Variants in SPC24 observed in about 807,000 individuals in gnomAD.
SPC24 encodes SPC24 component of NDC80 kinetochore complex.
A neutral mutation model predicts 27.6 loss-of-function variants in SPC24; 31 were observed. The observed-to-expected ratio is 1.12, with a 90% CI of 0.84 to 1.52. The LOEUF (loss-of-function observed/expected upper bound fraction) is 1.52. Among genes scored for constraint, SPC24 ranks in the 40% most tolerant of loss-of-function variants. The pLI is 0.00. For missense variants in SPC24, 284 were observed against 252.5 expected, an observed-to-expected ratio of 1.12 and a Z score of -0.84; for synonymous variants, 105 against 105.8, an observed-to-expected ratio of 0.99 and a Z score of 0.05.
chr19:11,149,853 T>G (rs112627388), intron 1 of SPC24, among the ~76,000 whole-genome samples: 27,279 of 150,280 alleles, frequency 0.18, 3,701 homozygotes, highest in African/African-American at 0.38. Flanking sequence ...TGGGATTACA[T>G]GCGCCTGCCA....
intron 1 of SPC24, among the ~76,000 whole-genome samples, chr19:11,153,759 G>GC (rs1330008208): frequency 1.9e-5 from 1 of 52,844 alleles, no homozygotes; most frequent in Non-Finnish European, 3.8e-5. Flanking sequence ...GACTGTCCTG[G>GC]GAAAAAAAAA....
At chr19:11,154,444 T>G (rs2077896255) in intron 1 of SPC24, among the ~76,000 whole-genome samples, 1 of 151,634 alleles carries the variant, frequency 6.6e-6, no homozygotes, top group Non-Finnish European at 1.5e-5. Flanking sequence ...GAGGCTGAGG[T>G]GGGAGGATCA....
rs1340037850 is a variant in SPC24 at position 11,155,749 on chromosome 19, C to A, written c.28G>T (p.Val10Leu). ...AGCAGGCTGAGCAGCCCCTGGCTCA[C>A]CTCCTCTATGTCGCGGAAGGCGGCC... MAAFRDIEE[V>L]SQGLLSLLGA... The change falls in exon 1 of 5, where the codon GTG (valine) becomes TTG (leucine). Residue 10 changes from valine to leucine, a missense_variant. By Grantham distance (32) the Val-to-Leu change is conservative (BLOSUM62 1). Coordinates refer to ENST00000592540, the MANE Select transcript of SPC24 (RefSeq NM_182513.4). 3.8e-6 allele frequency: 6 copies of A among 1,574,630 alleles called. No individual in the cohort carries two copies. The highest frequency in any genetic ancestry group is 5.1e-6 in the Non-Finnish European group (6 of 1,168,490).
intron 2 of SPC24, among the ~76,000 whole-genome samples, chr19:11,148,774 C>T (rs111733724): frequency 0.024 from 3,632 of 152,038 alleles, 127 homozygotes; most frequent in African/African-American, 0.077. Flanking sequence ...GGACCACGCC[C>T]GGCTAATTTT....
At position 11,146,643 on chromosome 19, in the gene SPC24, T is replaced by TACCTG. The variant is rs2077826766; in HGVS notation, c.*539_*540insCAGGT. The TACCTG allele has an allele frequency of 1.3e-5, 2 of 151,236 alleles. No individual in the cohort carries two copies. The highest frequency in any genetic ancestry group is 4.2e-4 in the South Asian group (2 of 4,786). 9.4% of individuals were successfully genotyped at this position (151,236 alleles called of 1,614,324 possible). ...AGCTGCGCATGGTGGCAGGTGCCTGTAGTCCCAGCTACTCAGGAGGCTGAG... is the reference window on the plus strand; with the variant it reads ...AGCTGCGCATGGTGGCAGGTGCCTGTACCTGAGTCCCAGCTACTCAGGAGGCTGAG... On this transcript the variant is annotated 3_prime_UTR_variant, in exon 5 of 5. Coordinates refer to ENST00000592540, the MANE Select transcript of SPC24 (RefSeq NM_182513.4).
At position 11,146,438 on chromosome 19, in the gene SPC24, C is replaced by A. The variant is rs1374887276; in HGVS notation, c.*745G>T. 1 of 105,820 alleles carries A rather than the reference C, an allele frequency of 9.5e-6. No individual in the cohort carries two copies. Among genetic ancestry groups the A allele is most frequent in the African/African-American group, 3.3e-5 (1 of 30,356 alleles). The allele number at this position is 105,820 out of a possible 1,614,324, so 6.6% of individuals were successfully genotyped here. A position where few individuals can be genotyped will look rare whatever the true frequency, so the allele number is the denominator to read the frequency against. ...CTGAGGCCACTCTAGGAGCTGAGGCCGAAAATCAGGAGAAAAAGAAATCCA... is the reference window on the plus strand; with the variant it reads ...CTGAGGCCACTCTAGGAGCTGAGGCAGAAAATCAGGAGAAAAAGAAATCCA... On this transcript the variant is annotated 3_prime_UTR_variant, in exon 5 of 5. Coordinates refer to ENST00000592540, the MANE Select transcript of SPC24 (RefSeq NM_182513.4).
In SPC24 at chr19:11,145,649, A is replaced by G. The variant is rs907113408; in HGVS notation, c.*1534T>C. 2 of 152,198 alleles carry G rather than the reference A, an allele frequency of 1.3e-5. No individual in the cohort carries two copies. Among genetic ancestry groups the G allele is most frequent in the Admixed American group, 6.6e-5 (1 of 15,248 alleles). The allele number at this position is 152,198 out of a possible 1,614,324, so 9.4% of individuals were successfully genotyped here. A position where few individuals can be genotyped will look rare whatever the true frequency, so the allele number is the denominator to read the frequency against. On this transcript the variant is annotated 3_prime_UTR_variant, in exon 5 of 5. Transcript: ENST00000592540. ...TATCTGGCTCTGCCATCATCAGGGA[A>G]CCAGGCTCCTGTCATCCCTAAAGGA...
chr19:11,147,609 T>C (rs2077836674), intron 4 of SPC24: 1 of 590,566 alleles, frequency 1.7e-6, no homozygotes, highest in African/African-American at 1.9e-5. Context: ...TACTTTACTA[T>C]ATTTATTATA....
rs750052220 is a variant in SPC24 at position 11,146,465 on chromosome 19, T to TTAAAAAA, written c.*717_*718insTTTTTTA. On this transcript the variant is annotated 3_prime_UTR_variant, in exon 5 of 5. Transcript: ENST00000592540. ...AAAATCAGGAGAAAAAGAAATCCAGTAAAAAAAAAAAAAAAAAAGGCCAGG... is the reference window on the plus strand; with the variant it reads ...AAAATCAGGAGAAAAAGAAATCCAGTTAAAAAAAAAAAAAAAAAAAAAAAAGGCCAGG... 4 of 43,074 alleles carry TTAAAAAA rather than the reference T, an allele frequency of 9.3e-5. No individual in the cohort carries two copies. Among genetic ancestry groups the TTAAAAAA allele is most frequent in the Non-Finnish European group, 1.6e-4 (4 of 25,320 alleles). The allele number at this position is 43,074 out of a possible 1,614,324, so 2.7% of individuals were successfully genotyped here. A position where few individuals can be genotyped will look rare whatever the true frequency, so the allele number is the denominator to read the frequency against.
intron 1 of SPC24, among the ~76,000 whole-genome samples, chr19:11,154,873 C>T (rs1411026602): frequency 6.6e-6 from 1 of 152,088 alleles, no homozygotes; most frequent in Non-Finnish European, 1.5e-5. Flanking sequence ...CTTAAGGCCA[C>T]TGAACTGTGC....
At chr19:11,152,989 C>T (rs1304645802) in intron 1 of SPC24, among the ~76,000 whole-genome samples, 3 of 151,914 alleles carry the variant, frequency 2.0e-5, no homozygotes, top group Middle Eastern at 3.2e-3. Context: ...GCTCCATAGG[C>T]CAATCAAGGC....
At chr19:11,150,959 C>G (rs961010465) in intron 1 of SPC24, among the ~76,000 whole-genome samples, 1 of 151,990 alleles carries the variant, frequency 6.6e-6, no homozygotes, top group Non-Finnish European at 1.5e-5. Context: ...GTCAGTAGAT[C>G]GAGACCATCC....
intron 1 of SPC24, among the ~76,000 whole-genome samples, 165 bp downstream of exon 1, chr19:11,155,452 T>C (rs2077903451): frequency 1.3e-5 from 2 of 152,132 alleles, no homozygotes. Context: ...ATAAAGCCGA[T>C]TTCTCAGATG....
At position 11,147,133 on chromosome 19, in the gene SPC24, G is replaced by T; in HGVS notation, c.*50C>A. The T allele has an allele frequency of 3.4e-5, 34 of 1,012,922 alleles. No homozygotes were observed. Among genetic ancestry groups the T allele is most frequent in the Middle Eastern group, 2.1e-4 (1 of 4,702 alleles). 62.7% of individuals were successfully genotyped at this position (1,012,922 alleles called of 1,614,324 possible). A position where few individuals can be genotyped will look rare whatever the true frequency, so the allele number is the denominator to read the frequency against. ...CCCACATTTCATTTGAAATGGATCT[G>T]ACCACGGCAGATGCCCGCTGGGTGC... On this transcript the variant is annotated 3_prime_UTR_variant, in exon 5 of 5. Coordinates refer to ENST00000592540, the MANE Select transcript of SPC24 (RefSeq NM_182513.4).
At chr19:11,151,625 G>T (rs1038346658) in intron 1 of SPC24, among the ~76,000 whole-genome samples, 9 of 151,674 alleles carry the variant, frequency 5.9e-5, no homozygotes, top group South Asian at 2.1e-4. Flanking sequence ...TTTTTGGGGG[G>T]GGGGGATGGA....
At chr19:11,148,916 T>G (rs2077849670) in intron 2 of SPC24, among the ~76,000 whole-genome samples, 178 bp downstream of exon 2, 1 of 152,070 alleles carries the variant, frequency 6.6e-6, no homozygotes, top group African/African-American at 2.4e-5. Context: ...GCACCTGACC[T>G]AATTTTTTTA....
chr19:11,150,392 G>A (rs150571399), intron 1 of SPC24, among the ~76,000 whole-genome samples: 3,612 of 151,372 alleles, frequency 0.024, 128 homozygotes, highest in African/African-American at 0.077. Context: ...AGGCCAAGGC[G>A]GGACAATCAC....
intron 1 of SPC24, among the ~76,000 whole-genome samples, chr19:11,153,516 C>T (rs1415307638): frequency 6.6e-6 from 1 of 152,068 alleles, no homozygotes; most frequent in Admixed American, 6.6e-5. Context: ...ATTCCCAGCA[C>T]TTTGGGAGAC....
At chr19:11,150,209 G>C (rs1347185440) in intron 1 of SPC24, among the ~76,000 whole-genome samples, 3 of 104,320 alleles carry the variant, frequency 2.9e-5, no homozygotes, top group Admixed American at 2.7e-4. Context: ...AAAAAAAAAA[G>C]GCTAGGTGTG....
Sources: gnomAD v4.1 joint callset for allele counts (sites outside exome capture counted in the v4.1 genomes callset) on GRCh38, gnomAD v4.1.1 for gene constraint, MANE v1.5 for transcripts, NCBI Gene and HGNC (gene_info 2026-07-23, HGNC 2026-07-21) for gene names.